The following CDHR3 variants were observed in gnomAD, a reference collection of about 807,000 sequenced individuals.
The protein encoded by CDHR3 is cadherin related family member 3.
A neutral mutation model predicts 86.6 loss-of-function variants in CDHR3; 79 were observed. The observed-to-expected ratio is 0.91, with a 90% CI of 0.76 to 1.10. CDHR3 has a LOEUF of 1.10. Among genes scored for constraint, CDHR3 ranks in the 50% least tolerant of loss-of-function variants. The pLI, the probability that CDHR3 is intolerant of heterozygous loss-of-function variation, is 0.00. For missense variants in CDHR3, 1,081 were observed against 1,077.6 expected, an observed-to-expected ratio of 1.00 and a Z score of -0.04; for synonymous variants, 421 against 402.4, an observed-to-expected ratio of 1.05 and a Z score of -0.55.
At position 106,017,927 on chromosome 7, in the gene CDHR3, G is replaced by A; in HGVS notation, c.1508G>A (p.Gly503Glu). Residue 503 changes from glycine to glutamate, a missense_variant, in exon 12 of 19, where the codon GGG (glycine) becomes GAG (glutamate). Coordinates refer to ENST00000317716, the MANE Select transcript of CDHR3 (RefSeq NM_152750.5). ...SSLLYSISTGGASLQYPNVFW... is the reference protein window; with the variant it reads ...SSLLYSISTGEASLQYPNVFW... ...CTCCTGTACTCCATCTCCACTGGAG[G>A]GGCCAGCCTCCAGTATCCAAATGTA... 6.2e-7 allele frequency: 1 copy of A among 1,611,896 alleles called. No homozygotes were observed. The highest frequency in any genetic ancestry group is 1.1e-5 in the South Asian group (1 of 90,424).
intron 6 of CDHR3, among the ~76,000 whole-genome samples, chr7:105,997,157 C>T (rs915559400): frequency 6.6e-6 from 1 of 152,190 alleles, no homozygotes; most frequent in Non-Finnish European, 1.5e-5. Context: ...GCACAGGATA[C>T]TCCACCAATA....
Position 106,001,533 on chromosome 7 carries a change from A to G in CDHR3, c.785A>G (p.Asp262Gly), listed in dbSNP as rs370131785. ...ATCGTGGCCAATATCACAGCGGAGG[A>G]TCCTGATGATGAAGGTTTTCCCAGC... ...GTIVANITAE[D>G]PDDEGFPSHL... The change falls in exon 7 of 19, where the codon GAT becomes GGT. Residue 262 changes from aspartate to glycine, a missense_variant. Transcript: ENST00000317716. The G allele has an allele frequency of 6.2e-6, 10 of 1,613,816 alleles. No homozygotes were observed. Among genetic ancestry groups the G allele is most frequent in the East Asian group, 2.2e-5 (1 of 44,886 alleles).
At position 106,022,229 on chromosome 7, in the gene CDHR3, C is replaced by T. The variant is rs1353643026; in HGVS notation, c.1857C>T (p.Pro619=). 9 of 1,613,922 alleles carry T rather than the reference C, an allele frequency of 5.6e-6. No individual in the cohort carries two copies. Among genetic ancestry groups the T allele is most frequent in the Non-Finnish European group, 6.8e-6 (8 of 1,179,902 alleles). ...TCAACAATCATTTCACCTTCTCTCCCAATGCTGGTTCCAATGTCACACGCC... is the reference window on the plus strand; with the variant it reads ...TCAACAATCATTTCACCTTCTCTCCTAATGCTGGTTCCAATGTCACACGCC... ...GNVNNHFTFS[P]NAGSNVTRLL... The change falls in exon 14 of 19, where the codon CCC becomes CCT. Residue 619 remains proline, a synonymous_variant. Transcript: ENST00000317716.
At chr7:105,963,496 G>A in intron 1 of CDHR3, 132 bp downstream of exon 1, 1 of 930,294 alleles carries the variant, frequency 1.1e-6, no homozygotes, top group Non-Finnish European at 1.7e-6. Context: ...CTGCAGTAAT[G>A]AATGAGGTGA....
At chr7:105,990,391 T>G (rs1831177618) in intron 4 of CDHR3, among the ~76,000 whole-genome samples, 2 of 152,172 alleles carry the variant, frequency 1.3e-5, no homozygotes, top group Admixed American at 1.3e-4. Flanking sequence ...TTCTAGGCAC[T>G]CTTCCTCCTT....
At chr7:106,005,188 C>T (rs1833782493) in intron 8 of CDHR3, among the ~76,000 whole-genome samples, 1 of 152,160 alleles carries the variant, frequency 6.6e-6, no homozygotes, top group African/African-American at 2.4e-5. Flanking sequence ...ATCGAATTCA[C>T]CTTACACAAC....
intron 6 of CDHR3, among the ~76,000 whole-genome samples, chr7:105,997,149 A>G (rs1832373048): frequency 1.3e-5 from 2 of 152,230 alleles, no homozygotes; most frequent in Non-Finnish European, 2.9e-5. Flanking sequence ...TAGATTCAGC[A>G]CAGGATACTC....
rs185044790 is a variant in CDHR3, at chr7:106,015,020, A to G, written c.1225-91A>G. The G allele has an allele frequency of 2.2e-4, 223 of 1,006,684 alleles. 1 individual carries two copies. Among genetic ancestry groups the G allele is most frequent in the African/African-American group, 2.2e-3 (134 of 61,248 alleles). The allele number at this position is 1,006,684 out of a possible 1,614,324, so 62.4% of individuals were successfully genotyped here. A position where few individuals can be genotyped will look rare whatever the true frequency, so the allele number is the denominator to read the frequency against. ...TGCCAAAAGCGTTTTGCCAATTTAT[A>G]TATCCACTAGCAGTATATGAAAATG... On this transcript the variant is annotated intron_variant, in intron 9 of 18. Transcript: ENST00000317716.
chr7:106,016,557 C>T lies in CDHR3; in HGVS notation c.1426+532C>T, dbSNP rs148823397. Reference sequence around the variant, plus strand: ...AAGACTCACTCCCCACTTCCAGCTTCACTTTCTGCCTCCCTCTCGCTCTCT... The same window carrying T: ...AAGACTCACTCCCCACTTCCAGCTTTACTTTCTGCCTCCCTCTCGCTCTCT... On this transcript the variant is annotated intron_variant, in intron 11 of 18. Transcript: ENST00000317716. Among the ~76,000 whole-genome samples the T allele has an allele frequency of 2.9e-3, 437 of 152,312 alleles. 4 individuals are homozygous for T. Among genetic ancestry groups the T allele is most frequent in the African/African-American group, 9.8e-3 (408 of 41,566 alleles).
chr7:105,965,368 G>C (rs961767008), intron 1 of CDHR3, among the ~76,000 whole-genome samples: 7 of 152,182 alleles, frequency 4.6e-5, no homozygotes, highest in African/African-American at 1.7e-4. Flanking sequence ...TAGCTACTCA[G>C]GAGGCTGAGG....
chr7:106,028,413 AT>A, intron 16 of CDHR3, 137 bp from the exon 17 acceptor site: 1 of 932,358 alleles, frequency 1.1e-6, no homozygotes, highest in East Asian at 2.6e-5. Flanking sequence ...AAACATATCT[AT>A]AGACAGAACA....
At chr7:105,973,380 G>C (rs900150703) in intron 1 of CDHR3, among the ~76,000 whole-genome samples, 1 of 152,176 alleles carries the variant, frequency 6.6e-6, no homozygotes, top group Non-Finnish European at 1.5e-5. Context: ...AATTTATTCT[G>C]TCACAGCTCA....
At chr7:105,979,138 T>C (rs1270994381) in intron 2 of CDHR3, among the ~76,000 whole-genome samples, 1 of 152,192 alleles carries the variant, frequency 6.6e-6, no homozygotes, top group Non-Finnish European at 1.5e-5. Flanking sequence ...ATCCTCATGA[T>C]AACCCAAAAA....
At chr7:106,012,014 G>A (rs1272513281) in intron 8 of CDHR3, among the ~76,000 whole-genome samples, 1 of 152,188 alleles carries the variant, frequency 6.6e-6, no homozygotes, top group Non-Finnish European at 1.5e-5. Context: ...GGGGTACAGG[G>A]ATTCTCCCTA....
intron 9 of CDHR3, 123 bp downstream of exon 9, chr7:106,013,154 A>T: frequency 1.2e-6 from 1 of 828,098 alleles, no homozygotes; most frequent in Non-Finnish European, 1.8e-6. Context: ...ACTGTAACTG[A>T]CAGGCTTAAT....
At chr7:105,982,562 C>G (rs1163418332) in intron 3 of CDHR3, among the ~76,000 whole-genome samples, 1 of 152,008 alleles carries the variant, frequency 6.6e-6, no homozygotes, top group East Asian at 1.9e-4. Context: ...TTCCCCTTCT[C>G]CCCCTCAGTC....
At chr7:105,988,543 C>T (rs1585608962) in intron 4 of CDHR3, among the ~76,000 whole-genome samples, 2 of 152,142 alleles carry the variant, frequency 1.3e-5, no homozygotes, top group South Asian at 2.1e-4. Context: ...AACCTCAACC[C>T]CTTTAAAATG....
intron 1 of CDHR3, among the ~76,000 whole-genome samples, chr7:105,973,293 C>T (rs936000105): frequency 6.6e-6 from 1 of 152,138 alleles, no homozygotes; most frequent in Non-Finnish European, 1.5e-5. Flanking sequence ...TTACATTTTG[C>T]ACTTATTTGT....
At chr7:105,984,493 G>C (rs964768493) in intron 4 of CDHR3, among the ~76,000 whole-genome samples, 2 of 152,114 alleles carry the variant, frequency 1.3e-5, no homozygotes, top group African/African-American at 4.8e-5. Context: ...TTGTGGCTCT[G>C]TGTGATCTAG....
Sources: gnomAD v4.1 joint callset for allele counts (sites outside exome capture counted in the v4.1 genomes callset) on GRCh38, gnomAD v4.1.1 for gene constraint, MANE v1.5 for transcripts, NCBI Gene and HGNC (gene_info 2026-07-23, HGNC 2026-07-21) for gene names.